Variants in TMX2 observed in about 807,000 individuals in gnomAD.
The protein encoded by TMX2 is thioredoxin related transmembrane protein 2.
Under a neutral mutation model 33.4 loss-of-function variants are expected in TMX2, and 20 were observed. That is an observed-to-expected ratio of 0.60 (90% CI 0.42 to 0.87). The LOEUF (loss-of-function observed/expected upper bound fraction) is 0.87. Ranked by LOEUF, TMX2 falls within the 40% of genes least tolerant of loss-of-function variation. TMX2 has a pLI of 0.00. For synonymous variants in TMX2, 166 were observed against 140.7 expected (o/e 1.18, Z -1.27); for missense variants, 340 against 370.7 (o/e 0.92, Z 0.68).
intron 1 of TMX2, among the ~76,000 whole-genome samples, chr11:57,718,955 A>G (rs893842501): frequency 6.0e-5 from 9 of 151,014 alleles, no homozygotes; most frequent in Non-Finnish European, 1.0e-4. Context: ...GCGCCCAGCC[A>G]CAAAGGATTT....
At chr11:57,732,574 G>C (rs576270528) in intron 1 of TMX2, among the ~76,000 whole-genome samples, 1 of 152,158 alleles carries the variant, frequency 6.6e-6, no homozygotes, top group South Asian at 2.1e-4. Context: ...CAAAATGCTG[G>C]AAGTTTTATA....
rs1239494089 is a variant in TMX2, at chr11:57,738,980, C to T, written c.555C>T (p.Asn185=). The change falls in exon 6 of 8, where the codon AAC becomes AAT. Residue 185 remains asparagine, a synonymous_variant. Transcript: ENST00000278422. ...PIYADLSLKY[N]CTGLNFGKVD... ...AATAATATATTCTTTTCAGATACAA[C>T]TGTACAGGGCTAAATTTTGGGAAGG... 3 of 1,613,768 alleles carry T rather than the reference C, an allele frequency of 1.9e-6. No individual in the cohort carries two copies. Among genetic ancestry groups the T allele is most frequent in the African/African-American group, 2.7e-5 (2 of 74,870 alleles).
At chr11:57,735,835 AG>A (rs1778186278) in intron 1 of TMX2, among the ~76,000 whole-genome samples, 1 of 152,242 alleles carries the variant, frequency 6.6e-6, no homozygotes, top group Non-Finnish European at 1.5e-5. Flanking sequence ...CAGAGGACAC[AG>A]AAACTATGCA....
intron 1 of TMX2, among the ~76,000 whole-genome samples, chr11:57,722,972 G>A (rs1013787499): frequency 3.9e-5 from 6 of 151,982 alleles, no homozygotes; most frequent in Non-Finnish European, 5.9e-5. Context: ...TTAGCTGGGC[G>A]TGGTGGCGTG....
At chr11:57,723,155 A>G (rs1050821785) in intron 1 of TMX2, among the ~76,000 whole-genome samples, 1 of 151,990 alleles carries the variant, frequency 6.6e-6, no homozygotes, top group African/African-American at 2.4e-5. Context: ...TCAACTCTCA[A>G]AAAAATGTAA....
Position 57,738,645 on chromosome 11 carries a change from T to C in TMX2, c.442-19T>C, listed in dbSNP as rs571585423. 225 of 1,609,576 alleles carry C rather than the reference T, an allele frequency of 1.4e-4. 3 individuals are homozygous for C. The South Asian group carries it at 2.3e-3, about 17-fold the overall frequency. On this transcript the variant is annotated intron_variant, in intron 4 of 7. Coordinates refer to ENST00000278422, the MANE Select transcript of TMX2 (RefSeq NM_015959.4). ...AGGCTATGTGGATCCAGCTGACTTTTCTTCCCTGTATTTGGCAGGAGGAAC... is the reference window on the plus strand; with the variant it reads ...AGGCTATGTGGATCCAGCTGACTTTCCTTCCCTGTATTTGGCAGGAGGAAC...
rs535309900 is a variant in TMX2, at chr11:57,734,442, ACT to A, written c.190-3161_190-3160del. Among the ~76,000 whole-genome samples the A allele has an allele frequency of 2.0e-3, 301 of 152,104 alleles. No individual in the cohort carries two copies. In the Middle Eastern group the frequency reaches 0.031, roughly 15 times the overall value. ...ACCTTTGGTCCCCTGGTTAACTACA[ACT>A]CTCTTTTAAAATTCATCTTTCAGCC... On this transcript the variant is annotated intron_variant, in intron 1 of 7. Coordinates refer to ENST00000278422, the MANE Select transcript of TMX2 (RefSeq NM_015959.4).
chr11:57,727,754 A>G (rs150542003), intron 1 of TMX2, among the ~76,000 whole-genome samples: 17 of 152,280 alleles, frequency 1.1e-4, no homozygotes, highest in African/African-American at 3.8e-4. Context: ...GAAATAATCA[A>G]CTAAGAGCTA....
chr11:57,713,372 T>C (rs1347492392), intron 1 of TMX2, among the ~76,000 whole-genome samples: 1 of 152,172 alleles, frequency 6.6e-6, no homozygotes, highest in Non-Finnish European at 1.5e-5. Context: ...GGCACTCTGC[T>C]TGATCCTGAA....
In TMX2 at chr11:57,740,465, G is replaced by A; in HGVS notation, c.*220G>A. On this transcript the variant is annotated 3_prime_UTR_variant, in exon 8 of 8. Coordinates refer to ENST00000278422, the MANE Select transcript of TMX2 (RefSeq NM_015959.4). ...AACTGTTTCACTGGAGCAAGAAAGA[G>A]ATCTCATAGGACGGAGGGGGAAATG... is the stretch of plus-strand genomic sequence containing the variant. 7.9e-6 allele frequency: 4 copies of A among 507,694 alleles called. No individual in the cohort carries two copies. Among genetic ancestry groups the A allele is most frequent in the Non-Finnish European group, 1.4e-5 (4 of 293,826 alleles). The allele number at this position is 507,694 out of a possible 1,614,324, so 31.4% of individuals were successfully genotyped here.
rs565018390 is a variant in TMX2 at position 57,717,609 on chromosome 11, A to G, written c.189+4802A>G. Among the ~76,000 whole-genome samples, 35 of 151,772 alleles carry G rather than the reference A, an allele frequency of 2.3e-4. 2 individuals carry two copies. The South Asian group carries it at 6.9e-3, about 30-fold the overall frequency. ...TCGCAGGCACTCGGTGGGCTGAGGC[A>G]GGAGAATCAGGCAGGGAGGTTGCAG... On this transcript the variant is annotated intron_variant, in intron 1 of 7. Transcript: ENST00000278422.
intron 1 of TMX2, among the ~76,000 whole-genome samples, chr11:57,730,219 G>A (rs1481300318): frequency 1.3e-5 from 2 of 150,728 alleles, no homozygotes; most frequent in African/African-American, 2.4e-5. Context: ...CTGATGTCAG[G>A]AGTTCGAGAC....
rs191649772 is a variant in TMX2, at chr11:57,722,232, G to A, written c.189+9425G>A. Among the ~76,000 whole-genome samples, 491 of 152,106 alleles carry A rather than the reference G, an allele frequency of 3.2e-3. 5 individuals are homozygous for A. Among genetic ancestry groups the A allele is most frequent in the African/African-American group, 0.011 (476 of 41,494 alleles). ...GCCCAGGCTGGTCTCGAACTCCTGA[G>A]CTCAAGCGATCCTCCCACCACAGCC... is the stretch of plus-strand genomic sequence containing the variant. On this transcript the variant is annotated intron_variant, in intron 1 of 7. Coordinates refer to ENST00000278422, the MANE Select transcript of TMX2 (RefSeq NM_015959.4).
chr11:57,738,824 T>C, intron 5 of TMX2, 54 bp downstream of exon 5: 1 of 1,566,052 alleles, frequency 6.4e-7, no homozygotes, highest in Non-Finnish European at 8.8e-7. Flanking sequence ...GCCTTCCCTC[T>C]CACTGTTTTT....
intron 1 of TMX2, among the ~76,000 whole-genome samples, chr11:57,723,886 G>A (rs1947802627): frequency 6.7e-6 from 1 of 149,688 alleles, no homozygotes; most frequent in Non-Finnish European, 1.5e-5. Flanking sequence ...AAAACTAAAT[G>A]GATTTTTTTT....
intron 1 of TMX2, among the ~76,000 whole-genome samples, chr11:57,734,920 G>A (rs78224972): frequency 0.27 from 41,439 of 151,304 alleles, 6,752 homozygotes; most frequent in East Asian, 0.79. Flanking sequence ...CAGATCACAA[G>A]GCCAAGAGAT....
At chr11:57,726,833 TATTACATTCTAATTTA>T (rs1339848989) in intron 1 of TMX2, among the ~76,000 whole-genome samples, 1 of 152,242 alleles carries the variant, frequency 6.6e-6, no homozygotes, top group Admixed American at 6.5e-5. Context: ...AGATTAAATT[TATTACATTCTAATTTA>T]ATGTTGGTAT....
intron 1 of TMX2, among the ~76,000 whole-genome samples, chr11:57,734,309 A>C (rs1948608679): frequency 6.6e-6 from 1 of 152,150 alleles, no homozygotes; most frequent in South Asian, 2.1e-4. Flanking sequence ...AGATAGGGAG[A>C]GAGTCTAGCT....
chr11:57,715,873 A>T (rs1335676801), intron 1 of TMX2, among the ~76,000 whole-genome samples: 1 of 151,880 alleles, frequency 6.6e-6, no homozygotes, highest in Non-Finnish European at 1.5e-5. Flanking sequence ...GACACAGCAC[A>T]TGTTTCAGAG....
Sources: allele counts gnomAD v4.1 joint callset (sites outside exome capture counted in the v4.1 genomes callset), GRCh38; gene constraint gnomAD v4.1.1; transcripts MANE v1.5; gene names NCBI Gene and HGNC (gene_info 2026-07-23, HGNC 2026-07-21).